The following KAT2B variants were observed in gnomAD, a reference collection of about 807,000 sequenced individuals.
KAT2B encodes histone acetyltransferase KAT2B.
KAT2B carries 36 observed loss-of-function variants against 105.9 expected under a neutral mutation model. The ratio of observed to expected loss-of-function variants is 0.34; its 90% CI spans 0.26 to 0.45. The LOEUF is 0.45. Ranked by LOEUF, KAT2B falls within the 20% of genes least tolerant of loss-of-function variation. KAT2B has a pLI of 1.00. For synonymous variants in KAT2B, 397 were observed against 377.9 expected, an observed-to-expected ratio of 1.05 and a Z score of -0.59; for missense variants, 820 against 1,021.6, an observed-to-expected ratio of 0.80 and a Z score of 2.69.
chr3:20,121,775 TG>T (rs1699315156), intron 8 of KAT2B, among the ~76,000 whole-genome samples: 1 of 142,110 alleles, frequency 7.0e-6, no homozygotes, highest in Non-Finnish European at 1.6e-5. Flanking sequence ...TGTGTGTGTG[TG>T]TGTGTGTATA....
Position 20,059,996 on chromosome 3 carries a change from A to G in KAT2B, c.304-12337A>G, listed in dbSNP as rs1698072257. Among the ~76,000 whole-genome samples, 3 of 152,156 alleles carry G rather than the reference A, an allele frequency of 2.0e-5. No homozygotes were observed. The South Asian group carries it at 6.2e-4, about 31-fold the overall frequency. On this transcript the variant is annotated intron_variant, in intron 1 of 17. Coordinates refer to ENST00000263754, the MANE Select transcript of KAT2B (RefSeq NM_003884.5). ...GGAAGTATACAGTATGTGGCCTTTT[A>G]TGATGGGCTTCTTATGCCGAGTGTA...
chr3:20,092,597 G>T (rs527247551), intron 2 of KAT2B, among the ~76,000 whole-genome samples: 3 of 151,602 alleles, frequency 2.0e-5, no homozygotes, highest in African/African-American at 7.3e-5. Context: ...CAAACATTAG[G>T]TGCTGTAACA....
At chr3:20,069,317 C>G (rs540505451) in intron 1 of KAT2B, among the ~76,000 whole-genome samples, 4 of 151,988 alleles carry the variant, frequency 2.6e-5, no homozygotes, top group Non-Finnish European at 5.9e-5. Flanking sequence ...TGTGGGGAAA[C>G]CAATGGTAGA....
intron 2 of KAT2B, among the ~76,000 whole-genome samples, chr3:20,084,651 G>A (rs997873338): frequency 1.3e-5 from 2 of 152,102 alleles, no homozygotes; most frequent in African/African-American, 2.4e-5. Flanking sequence ...CAGAGTCAGA[G>A]GGAAATGAGC....
intron 8 of KAT2B, among the ~76,000 whole-genome samples, chr3:20,121,716 A>T (rs1325848015): frequency 6.7e-6 from 1 of 150,008 alleles, no homozygotes; most frequent in African/African-American, 2.5e-5. Context: ...ATATATGCAT[A>T]CATACACATA....
At chr3:20,087,709 T>G (rs1698645586) in intron 2 of KAT2B, among the ~76,000 whole-genome samples, 1 of 152,200 alleles carries the variant, frequency 6.6e-6, no homozygotes, top group Non-Finnish European at 1.5e-5. Flanking sequence ...TCTGCTTCTG[T>G]GATTCTGACT....
chr3:20,085,230 T>G (rs1476446815), intron 2 of KAT2B, among the ~76,000 whole-genome samples: 2 of 152,172 alleles, frequency 1.3e-5, no homozygotes, highest in African/African-American at 2.4e-5. Flanking sequence ...AAAATAGTCC[T>G]AAATAAAATT....
intron 1 of KAT2B, among the ~76,000 whole-genome samples, chr3:20,059,277 G>A (rs1319372585): frequency 1.3e-5 from 2 of 151,858 alleles, no homozygotes; most frequent in Admixed American, 6.6e-5. Flanking sequence ...GCCAGGCGTG[G>A]TGGCATGCGT....
chr3:20,042,200 A>G (rs567169512), intron 1 of KAT2B, among the ~76,000 whole-genome samples: 1 of 152,368 alleles, frequency 6.6e-6, no homozygotes, highest in East Asian at 1.9e-4. Flanking sequence ...CCACATTCCA[A>G]TTCAGACCTG....
intron 2 of KAT2B, among the ~76,000 whole-genome samples, chr3:20,077,684 C>T (rs1443543659): frequency 1.3e-5 from 2 of 152,042 alleles, no homozygotes; most frequent in South Asian, 2.1e-4. Flanking sequence ...ATTTAAAAAT[C>T]ACATTGTATT....
chr3:20,076,543 T>C (rs527453194), intron 2 of KAT2B, among the ~76,000 whole-genome samples: 1 of 152,200 alleles, frequency 6.6e-6, no homozygotes, highest in Non-Finnish European at 1.5e-5. Context: ...TGAAAAACTT[T>C]TTTTCTTAAT....
At position 20,098,255 on chromosome 3, in the gene KAT2B, C is replaced by T. The variant is rs1698847076; in HGVS notation, c.577-1607C>T. Among the ~76,000 whole-genome samples, 4 of 151,418 alleles carry T rather than the reference C, an allele frequency of 2.6e-5. No individual in the cohort carries two copies. In the South Asian group the frequency reaches 8.4e-4, roughly 32 times the overall value. Reference sequence around the variant, plus strand: ...AAATTAAAAAAAAAAAAAAGTCAGTCTTAGATGTTGAACATAAACCCAATG... The same window carrying T: ...AAATTAAAAAAAAAAAAAAGTCAGTTTTAGATGTTGAACATAAACCCAATG... On this transcript the variant is annotated intron_variant, in intron 3 of 17. Transcript: ENST00000263754.
intron 7 of KAT2B, 126 bp from the exon 8 acceptor site, chr3:20,119,472 A>G: frequency 2.2e-6 from 2 of 892,016 alleles, no homozygotes; most frequent in South Asian, 3.2e-5. Context: ...CTTGTGGCTT[A>G]TGTTTTAAAG....
At chr3:20,139,926 G>A (rs1377300703) in intron 12 of KAT2B, among the ~76,000 whole-genome samples, 1 of 152,154 alleles carries the variant, frequency 6.6e-6, no homozygotes, top group Non-Finnish European at 1.5e-5. Context: ...ATGTAATTCA[G>A]TACAAAATTA....
intron 7 of KAT2B, among the ~76,000 whole-genome samples, chr3:20,118,005 A>G (rs1245610108): frequency 2.0e-5 from 3 of 151,940 alleles, no homozygotes; most frequent in Admixed American, 6.6e-5. Flanking sequence ...TGTATTTTAT[A>G]TGCTTTACCT....
chr3:20,068,965 T>C (rs1394771668), intron 1 of KAT2B, among the ~76,000 whole-genome samples: 1 of 152,132 alleles, frequency 6.6e-6, no homozygotes, highest in East Asian at 1.9e-4. Context: ...CTAAGAGAGG[T>C]TGGCCCACAA....
chr3:20,110,672 C>CAA lies in KAT2B; in HGVS notation c.852-906_852-905dup, dbSNP rs55653348. Among the ~76,000 whole-genome samples the CAA allele has an allele frequency of 1.5e-3, 106 of 69,364 alleles. 1 individual carries two copies. The highest frequency in any genetic ancestry group is 2.0e-3 in the Non-Finnish European group (74 of 36,452). 45.5% of individuals were successfully genotyped at this position (69,364 alleles called of 152,430 possible). ...TTGGTGACACAGTGAGACCCTGTCT[C>CAA]AAAAAAAAAAAAAAAAAAAGAAAGA... On this transcript the variant is annotated intron_variant, in intron 5 of 17. Coordinates refer to ENST00000263754, the MANE Select transcript of KAT2B (RefSeq NM_003884.5).
intron 7 of KAT2B, among the ~76,000 whole-genome samples, chr3:20,118,427 G>A (rs566720256): frequency 1.1e-4 from 17 of 149,660 alleles, no homozygotes; most frequent in Middle Eastern, 7.1e-3. Flanking sequence ...GAGAAAGAGA[G>A]CTATATAGGC....
In KAT2B at chr3:20,126,023, T is replaced by G. The variant is rs757377789; in HGVS notation, c.1532T>G (p.Ile511Ser). 2 of 1,614,080 alleles carry G rather than the reference T, an allele frequency of 1.2e-6. No homozygotes were observed. The highest frequency in any genetic ancestry group is 2.7e-5 in the African/African-American group (2 of 75,010). ...CTCAACCAGAAACCAAACAAGAAGA[T>G]CCTGATGTGGCTGGTTGGCCTACAG... ...NSLNQKPNKKILMWLVGLQNV... is the reference protein window; with the variant it reads ...NSLNQKPNKKSLMWLVGLQNV... Residue 511 changes from isoleucine to serine, a missense_variant, in exon 10 of 18, where the codon ATC (isoleucine) becomes AGC (serine). Ile to Ser is a moderately radical substitution (Grantham distance 142). Around this residue, in one of 6 missense-constraint regions of KAT2B, gnomAD observed 225 missense variants for 268.1 expected, o/e 0.84. Coordinates refer to ENST00000263754, the MANE Select transcript of KAT2B (RefSeq NM_003884.5).
Sources: gnomAD v4.1 joint callset for allele counts (sites outside exome capture counted in the v4.1 genomes callset) on GRCh38, gnomAD v4.1.1 for gene constraint, gnomAD v4.1.1 regional missense constraint, MANE v1.5 for transcripts, NCBI Gene and HGNC (gene_info 2026-07-23, HGNC 2026-07-21) for gene names.